DHX34: variants seen among roughly 807,000 people sequenced by gnomAD.
DHX34 encodes DExH-box helicase 34, also known as probable ATP-dependent RNA helicase DHX34.
A neutral mutation model predicts 111.1 loss-of-function variants in DHX34; 96 were observed. The ratio of observed to expected loss-of-function variants is 0.86; its 90% CI spans 0.73 to 1.02. The LOEUF is 1.02. Ranked by LOEUF, DHX34 falls within the 50% of genes least tolerant of loss-of-function variation. The probability of loss-of-function intolerance (pLI) is 0.00; values close to 1 mark genes in which losing one functional copy is unlikely to be tolerated. For missense variants in DHX34, 1,560 were observed against 1,579.9 expected, an observed-to-expected ratio of 0.99 and a Z score of 0.21; for synonymous variants, 688 against 670.4, an observed-to-expected ratio of 1.03 and a Z score of -0.41.
intron 12 of DHX34, 88 bp downstream of exon 12, chr19:47,376,648 C>G: frequency 4.7e-6 from 7 of 1,498,388 alleles, no homozygotes; most frequent in Non-Finnish European, 6.3e-6. Flanking sequence ...GGCTGGGGCT[C>G]CCACACCGGC....
At chr19:47,356,690 A>G (rs958235730) in intron 3 of DHX34, among the ~76,000 whole-genome samples, 1 of 151,748 alleles carries the variant, frequency 6.6e-6, no homozygotes, top group African/African-American at 2.4e-5. Flanking sequence ...GTGGTGGCTC[A>G]TGCCTATAAT....
chr19:47,373,484 C>G lies in DHX34; in HGVS notation c.1963-115C>G. 4.1e-6 allele frequency: 6 copies of G among 1,469,204 alleles called. 1 individual carries two copies. Among genetic ancestry groups the G allele is most frequent in the South Asian group, 1.4e-5 (1 of 72,798 alleles). The allele number at this position is 1,469,204 out of a possible 1,614,324, so 91.0% of individuals were successfully genotyped here. ...GGGCACTGGGGCTGAGACCTGGAAG[C>G]AGGAGAGCAGGTGTCCCTGAGGGAT... On this transcript the variant is annotated intron_variant, in intron 8 of 16. Coordinates refer to ENST00000328771, the MANE Select transcript of DHX34 (RefSeq NM_014681.6).
intron 3 of DHX34, among the ~76,000 whole-genome samples, chr19:47,357,020 C>T (rs963295477): frequency 6.6e-6 from 1 of 152,022 alleles, no homozygotes; most frequent in Admixed American, 6.6e-5. Context: ...GTAGAGACGA[C>T]GTGTTGCTAT....
chr19:47,354,350 G>A (rs1969386598), intron 2 of DHX34, among the ~76,000 whole-genome samples: 1 of 152,172 alleles, frequency 6.6e-6, no homozygotes, highest in Non-Finnish European at 1.5e-5. Flanking sequence ...TGGTCATGAG[G>A]ATGAAATGGG....
intron 1 of DHX34, among the ~76,000 whole-genome samples, chr19:47,350,420 ATTTTTTTT>A (rs113841688): frequency 7.3e-6 from 1 of 137,780 alleles, no homozygotes; most frequent in Non-Finnish European, 1.6e-5. Flanking sequence ...ACAAAAATGA[ATTTTTTTT>A]TTTTTTTTTT....
chr19:47,377,289 C>T, intron 13 of DHX34, 83 bp downstream of exon 13: 1 of 1,420,572 alleles, frequency 7.0e-7, no homozygotes, highest in South Asian at 1.3e-5. Flanking sequence ...ACCGCGTGGG[C>T]TTGGAGGGGC....
chr19:47,350,625 C>G (rs1002025250), intron 1 of DHX34, among the ~76,000 whole-genome samples: 3 of 151,780 alleles, frequency 2.0e-5, no homozygotes, highest in Non-Finnish European at 4.4e-5. Context: ...TTTCCATGTT[C>G]GTCAGGCTGG....
rs1179271865 is a variant in DHX34, at chr19:47,375,541, C to CAGCGCCGGG, written c.2150_2158dup (p.Glu717_Arg719dup). ...AGGGGACAGCTACAGTCGGTTGCAG[C>CAGCGCCGGG]AGCGCCGGGAGCGCCGGGCCCTGCA... On this transcript the variant is annotated inframe_insertion, in exon 10 of 17. Coordinates refer to ENST00000328771, the MANE Select transcript of DHX34 (RefSeq NM_014681.6). 2.6e-6 allele frequency: 4 copies of CAGCGCCGGG among 1,557,234 alleles called. No homozygotes were observed. The highest frequency in any genetic ancestry group is 2.4e-5 in the East Asian group (1 of 42,068).
At chr19:47,376,162 T>C (rs1487733826) in intron 11 of DHX34, 65 bp downstream of exon 11, 6 of 1,516,330 alleles carry the variant, frequency 4.0e-6, no homozygotes, top group Non-Finnish European at 5.3e-6. Context: ...GTGCCTGTCC[T>C]GTGCCGGGAA....
At chr19:47,350,852 C>A (rs954732434) in intron 1 of DHX34, among the ~76,000 whole-genome samples, 1 of 151,864 alleles carries the variant, frequency 6.6e-6, no homozygotes, top group South Asian at 2.1e-4. Flanking sequence ...AAGAGAGATG[C>A]GAGCTGACTA....
intron 11 of DHX34, 73 bp downstream of exon 11, chr19:47,376,170 G>A (rs1250871570): frequency 5.3e-6 from 8 of 1,510,744 alleles, no homozygotes; most frequent in Non-Finnish European, 3.5e-6. Flanking sequence ...CCTGTGCCGG[G>A]AATGCAGTGG....
chr19:47,362,741 G>A, intron 6 of DHX34, 48 bp downstream of exon 6: 1 of 1,512,040 alleles, frequency 6.6e-7, no homozygotes, highest in Non-Finnish European at 8.9e-7. Context: ...CTGGCACAGG[G>A]AGGAACCTGG....
At chr19:47,361,453 G>GT (rs1330057490) in intron 5 of DHX34, among the ~76,000 whole-genome samples, 1 of 149,656 alleles carries the variant, frequency 6.7e-6, no homozygotes. Flanking sequence ...GCGAGACCCT[G>GT]TTTAAAAAAA....
chr19:47,355,464 G>T (rs1257770776), intron 3 of DHX34, 114 bp downstream of exon 3: 18 of 1,454,886 alleles, frequency 1.2e-5, no homozygotes, highest in Non-Finnish European at 1.6e-5. Flanking sequence ...ATTTAAAGAT[G>T]TTCTCTTTTT....
intron 7 of DHX34, among the ~76,000 whole-genome samples, chr19:47,371,240 C>T (rs1264429703): frequency 2.0e-5 from 3 of 152,316 alleles, no homozygotes; most frequent in African/African-American, 7.2e-5. Context: ...ACATTATCTC[C>T]CTGAGGGCTG....
chr19:47,375,673 GC>G lies in DHX34; in HGVS notation c.2279del (p.Pro760GlnfsTer12). 13 of 1,557,250 alleles carry G rather than the reference GC, an allele frequency of 8.3e-6. No homozygotes were observed. The highest frequency in any genetic ancestry group is 2.0e-5 in the Admixed American group (1 of 50,478). On this transcript the variant is annotated frameshift_variant, in exon 10 of 17. Transcript: ENST00000328771. LOFTEE classifies it high-confidence loss of function. ...CAGTGACGAGGACAGGGCTGGCCCA[GC>G]CCCCCCAGGGGCCAGTGATGGCGTG... ...GSSDEDRAGP[A>X]PPGASDGVDI...
At chr19:47,377,749 C>T (rs1048790756) in intron 13 of DHX34, among the ~76,000 whole-genome samples, 2 of 120,954 alleles carry the variant, frequency 1.7e-5, no homozygotes, top group African/African-American at 1.1e-4. Context: ...AGACAGGACC[C>T]TGGGGACTTC....
intron 6 of DHX34, among the ~76,000 whole-genome samples, chr19:47,366,067 G>A (rs1028153805): frequency 2.0e-5 from 3 of 152,122 alleles, no homozygotes; most frequent in Non-Finnish European, 4.4e-5. Flanking sequence ...GGGTTAATAA[G>A]ATAGCCTTCC....
intron 12 of DHX34, 102 bp downstream of exon 12, chr19:47,376,662 G>C: frequency 6.7e-7 from 1 of 1,488,222 alleles, no homozygotes; most frequent in African/African-American, 1.4e-5. Flanking sequence ...CACCGGCCCA[G>C]GCTGGTATTG....
Sources: allele counts gnomAD v4.1 joint callset (sites outside exome capture counted in the v4.1 genomes callset), GRCh38; gene constraint gnomAD v4.1.1; transcripts MANE v1.5; gene names NCBI Gene and HGNC (gene_info 2026-07-23, HGNC 2026-07-21).